BRINP1: variants seen among roughly 807,000 people sequenced by gnomAD.
BRINP1 encodes the protein BMP/retinoic acid-inducible neural-specific protein 1.
In BRINP1, 17 loss-of-function variants were observed where a neutral mutation model predicts 72.9. The ratio of observed to expected loss-of-function variants is 0.23; its 90% CI spans 0.16 to 0.35. The LOEUF is 0.35. Among genes scored for constraint, BRINP1 ranks in the 10% least tolerant of loss-of-function variants. The probability of loss-of-function intolerance (pLI) is 1.00; values close to 1 mark genes in which losing one functional copy is unlikely to be tolerated. For synonymous variants in BRINP1, 418 were observed against 378.5 expected (o/e 1.10, Z -1.21); for missense variants, 850 against 1,001.6 (o/e 0.85, Z 2.04).
chr9:119,215,797 A>G (rs1298763881), intron 5 of BRINP1, among the ~76,000 whole-genome samples: 1 of 152,188 alleles, frequency 6.6e-6, no homozygotes, highest in African/African-American at 2.4e-5. Flanking sequence ...CACACGCTGT[A>G]GTAAAAAACC....
intron 2 of BRINP1, among the ~76,000 whole-genome samples, chr9:119,273,820 A>G (rs757920715): frequency 6.6e-5 from 10 of 152,198 alleles, no homozygotes; most frequent in Non-Finnish European, 1.2e-4. Flanking sequence ...ATGCAAAAGT[A>G]TCAGGTTCAG....
intron 2 of BRINP1, among the ~76,000 whole-genome samples, chr9:119,251,542 A>C (rs1371130373): frequency 1.3e-5 from 2 of 152,220 alleles, no homozygotes; most frequent in African/African-American, 4.8e-5. Context: ...CAGGAGTTCA[A>C]ATCCAGCCTG....
intron 3 of BRINP1, 93 bp from the exon 4 acceptor site, chr9:119,242,309 C>T: frequency 9.6e-7 from 1 of 1,036,860 alleles, no homozygotes; most frequent in Admixed American, 2.4e-5. Context: ...AGCCTTAAAT[C>T]TCCAACCAAT....
chr9:119,276,126 C>T (rs1314098729), intron 2 of BRINP1, among the ~76,000 whole-genome samples: 1 of 152,112 alleles, frequency 6.6e-6, no homozygotes, highest in East Asian at 1.9e-4. Context: ...AACATCTTTA[C>T]TTGAGGACTC....
intron 7 of BRINP1, among the ~76,000 whole-genome samples, chr9:119,186,027 T>C (rs1829614009): frequency 6.6e-6 from 1 of 152,166 alleles, no homozygotes; most frequent in Admixed American, 6.5e-5. Context: ...TCCTTACCCA[T>C]GGGGAACAAG....
chr9:119,367,662 C>T (rs1251684950), intron 1 of BRINP1, among the ~76,000 whole-genome samples: 2 of 152,160 alleles, frequency 1.3e-5, no homozygotes, highest in African/African-American at 4.8e-5. Flanking sequence ...GAGATTCCTC[C>T]ACCGCCCCCC....
At chr9:119,177,218 G>A (rs1829499434) in intron 7 of BRINP1, among the ~76,000 whole-genome samples, 1 of 152,060 alleles carries the variant, frequency 6.6e-6, no homozygotes, top group Non-Finnish European at 1.5e-5. Flanking sequence ...TGCAGTATTC[G>A]TTTTCCGTAC....
intron 4 of BRINP1, among the ~76,000 whole-genome samples, chr9:119,240,283 A>G (rs533263390): frequency 3.3e-5 from 5 of 152,214 alleles, no homozygotes; most frequent in African/African-American, 9.6e-5. Context: ...AGACAACAAC[A>G]ACAACAAAAA....
intron 5 of BRINP1, among the ~76,000 whole-genome samples, chr9:119,222,073 T>TG (rs1830046584): frequency 1.3e-5 from 2 of 152,032 alleles, no homozygotes; most frequent in Admixed American, 1.3e-4. Flanking sequence ...TGAGTGCGAG[T>TG]GATGTGTGTC....
intron 2 of BRINP1, among the ~76,000 whole-genome samples, chr9:119,269,836 T>C (rs1830590443): frequency 7.4e-6 from 1 of 135,012 alleles, no homozygotes; most frequent in African/African-American, 2.7e-5. Flanking sequence ...CTAGACACTA[T>C]TCTAAACACT....
chr9:119,218,746 A>ATTTTTTTTTT (rs10685419), intron 5 of BRINP1, among the ~76,000 whole-genome samples: 1 of 133,378 alleles, frequency 7.5e-6, no homozygotes, highest in African/African-American at 2.9e-5. Flanking sequence ...AAACTCAGGG[A>ATTTTTTTTTT]TTTTTTTTTT....
At chr9:119,239,340 G>A (rs1830223864) in intron 4 of BRINP1, among the ~76,000 whole-genome samples, 1 of 152,206 alleles carries the variant, frequency 6.6e-6, no homozygotes, top group South Asian at 2.1e-4. Context: ...TTTTCCTAAA[G>A]AAGTTTTAGC....
At chr9:119,317,810 C>T (rs1243498243) in intron 1 of BRINP1, among the ~76,000 whole-genome samples, 1 of 152,132 alleles carries the variant, frequency 6.6e-6, no homozygotes, top group Non-Finnish European at 1.5e-5. Context: ...AGACCTTCCA[C>T]CAGCAAAAAG....
chr9:119,361,076 G>A (rs1437596813), intron 1 of BRINP1, among the ~76,000 whole-genome samples: 6 of 152,084 alleles, frequency 3.9e-5, no homozygotes, highest in African/African-American at 1.2e-4. Context: ...TATATTTTGT[G>A]TCCTCACCAG....
At chr9:119,303,245 G>A (rs1830958416) in intron 2 of BRINP1, among the ~76,000 whole-genome samples, 1 of 150,554 alleles carries the variant, frequency 6.6e-6, no homozygotes, top group African/African-American at 2.4e-5. Context: ...GCAATTTGAG[G>A]AAAAGCAAAG....
Position 119,167,128 on chromosome 9 carries a change from C to G in BRINP1, c.2242G>C (p.Glu748Gln). The G allele has an allele frequency of 6.2e-7, 1 of 1,613,216 alleles. No homozygotes were observed. Among genetic ancestry groups the G allele is most frequent in the Non-Finnish European group, 8.5e-7 (1 of 1,179,498 alleles). Residue 748 changes from glutamate to glutamine, a missense_variant, in exon 8 of 8, where the codon GAG becomes CAG. By Grantham distance (29) the Glu-to-Gln change is conservative. Coordinates refer to ENST00000265922, the MANE Select transcript of BRINP1 (RefSeq NM_014618.3). The surrounding 1 kb of genome is among the most constrained non-coding windows in gnomAD (Gnocchi z 4.3). ...VNHALDLYNT[E>Q]ILKQSDQMTA... Reference sequence around the variant, plus strand: ...ATCTGGTCCGACTGTTTGAGGATCTCCGTGTTGTACAGGTCCAAGGCGTGG... The same window carrying G: ...ATCTGGTCCGACTGTTTGAGGATCTGCGTGTTGTACAGGTCCAAGGCGTGG...
intron 5 of BRINP1, among the ~76,000 whole-genome samples, chr9:119,217,633 T>C (rs1829991841): frequency 6.6e-6 from 1 of 152,206 alleles, no homozygotes. Context: ...TCCTTCTCTT[T>C]TCCTGATTTG....
intron 2 of BRINP1, among the ~76,000 whole-genome samples, chr9:119,278,315 G>A (rs1564236602): frequency 6.6e-6 from 1 of 152,134 alleles, no homozygotes; most frequent in Non-Finnish European, 1.5e-5. Flanking sequence ...GGCTGCGTTT[G>A]GAGCCTTAAT....
At chr9:119,188,895 A>T (rs1418399799) in intron 7 of BRINP1, among the ~76,000 whole-genome samples, 2 of 152,164 alleles carry the variant, frequency 1.3e-5, no homozygotes, top group African/African-American at 4.8e-5. Context: ...TTAAATTCAG[A>T]CTATCCCATG....
Sources: gnomAD v4.1 joint callset for allele counts (sites outside exome capture counted in the v4.1 genomes callset) on GRCh38, gnomAD v4.1.1 for gene constraint, Gnocchi (gnomAD v3.1) non-coding constraint, MANE v1.5 for transcripts, NCBI Gene and HGNC (gene_info 2026-07-23, HGNC 2026-07-21) for gene names.